The following CPEB3 variants were observed in gnomAD, a reference collection of about 807,000 sequenced individuals.
CPEB3 encodes the protein cytoplasmic polyadenylation element binding protein 3.
CPEB3 carries 20 observed loss-of-function variants against 67.2 expected under a neutral mutation model. The observed-to-expected ratio is 0.30, with a 90% CI of 0.21 to 0.43. The LOEUF is 0.43. Ranked by LOEUF, CPEB3 falls within the 20% of genes least tolerant of loss-of-function variation. The pLI is 1.00. For synonymous variants in CPEB3, 376 were observed against 393.1 expected (o/e 0.96, Z 0.51); for missense variants, 746 against 968.6 (o/e 0.77, Z 3.05).
At chr10:92,212,210 C>CTT (rs998565592) in intron 2 of CPEB3, among the ~76,000 whole-genome samples, 16 of 119,992 alleles carry the variant, frequency 1.3e-4, no homozygotes, top group Non-Finnish European at 1.8e-4. Context: ...ACAATAAATT[C>CTT]TTTTTTTTTT....
intron 1 of CPEB3, among the ~76,000 whole-genome samples, chr10:92,240,958 G>C (rs1851822349): frequency 6.6e-6 from 1 of 152,168 alleles, no homozygotes; most frequent in Non-Finnish European, 1.5e-5. Flanking sequence ...AACCACGAGG[G>C]AGGAATCCTT....
intron 2 of CPEB3, among the ~76,000 whole-genome samples, chr10:92,232,721 G>T (rs1851330540): frequency 6.7e-6 from 1 of 149,514 alleles, no homozygotes; most frequent in African/African-American, 2.5e-5. Flanking sequence ...CCGTGCCACT[G>T]CATTCCAGCC....
rs1317671404 is a variant in CPEB3 at position 92,111,184 on chromosome 10, A to G, written c.1464T>C (p.Phe488=). ...CTGAGCTTTCCTCTTGGAACAGCAG[A>G]AAGGCATAGCCTTGGGGAGAGCAAA... The part of the protein sequence containing the change: ...KSYFPPKGYA[F]LLFQEESSVQ... The change falls in exon 7 of 10, where the codon TTT becomes TTC. Residue 488 remains phenylalanine (F), a synonymous_variant. Coordinates refer to ENST00000265997, the MANE Select transcript of CPEB3 (RefSeq NM_014912.5). The G allele has an allele frequency of 6.2e-7, 1 of 1,611,746 alleles. No individual in the cohort carries two copies. Among genetic ancestry groups the G allele is most frequent in the Non-Finnish European group, 8.5e-7 (1 of 1,177,950 alleles).
chr10:92,110,991 C>A, intron 7 of CPEB3, 85 bp downstream of exon 7: 2 of 985,960 alleles, frequency 2.0e-6, no homozygotes. Flanking sequence ...TAGTTACCAG[C>A]ATTTCCATTA....
chr10:92,061,438 A>C (rs2995547), intron 9 of CPEB3, among the ~76,000 whole-genome samples: 93,191 of 139,494 alleles, frequency 0.67, 31,599 homozygotes, highest in East Asian at 0.76. Flanking sequence ...AAAAAAAAAA[A>C]AAAAACATAT....
At chr10:92,076,446 C>T (rs1842937293) in intron 9 of CPEB3, 1 of 151,926 alleles carries the variant, frequency 6.6e-6, no homozygotes, top group South Asian at 2.1e-4. Context: ...GTTCTGTTGC[C>T]CAGGCTGGAG....
chr10:92,272,462 A>C (rs1853349057), intron 1 of CPEB3, among the ~76,000 whole-genome samples: 7 of 152,166 alleles, frequency 4.6e-5, no homozygotes. Flanking sequence ...CTCTCATTAG[A>C]TAGAGTTAGA....
intron 1 of CPEB3, among the ~76,000 whole-genome samples, chr10:92,275,267 G>T (rs892428789): frequency 2.6e-5 from 4 of 152,154 alleles, no homozygotes; most frequent in African/African-American, 4.8e-5. Flanking sequence ...TCAGACGCCT[G>T]TAACATCCCT....
At chr10:92,194,376 T>C (rs1849131544) in intron 2 of CPEB3, among the ~76,000 whole-genome samples, 1 of 151,704 alleles carries the variant, frequency 6.6e-6, no homozygotes, top group Non-Finnish European at 1.5e-5. Flanking sequence ...GAGGCAGAGG[T>C]TGCCGTGAGC....
intron 2 of CPEB3, among the ~76,000 whole-genome samples, chr10:92,221,350 G>A (rs1246945379): frequency 6.6e-6 from 1 of 151,976 alleles, no homozygotes; most frequent in Non-Finnish European, 1.5e-5. Context: ...AAAAATAGCT[G>A]GGCATGGTGG....
intron 8 of CPEB3, among the ~76,000 whole-genome samples, chr10:92,086,557 A>G (rs551969235): frequency 1.7e-4 from 26 of 152,290 alleles, no homozygotes; most frequent in African/African-American, 6.3e-4. Context: ...ACTCTGCTTC[A>G]TCATCTCGAA....
At chr10:92,125,320 C>G (rs957565311) in intron 6 of CPEB3, among the ~76,000 whole-genome samples, 2 of 152,224 alleles carry the variant, frequency 1.3e-5, no homozygotes, top group Non-Finnish European at 2.9e-5. Context: ...CCACTGCCAG[C>G]ATCATTGGCT....
rs1851276490 is a variant in CPEB3 at position 92,231,724 on chromosome 10, TTTC to T, written c.1005+7619_1005+7621del. On this transcript the variant is annotated intron_variant, in intron 2 of 9. Transcript: ENST00000265997. ...ACAGCTTAATCAACTTTTCTTTTCTTTTCTTTTCTTTTTAAGACAGAGTCTTGC... is the reference window on the plus strand; with the variant it reads ...ACAGCTTAATCAACTTTTCTTTTCTTTTTTCTTTTTAAGACAGAGTCTTGC... Among the ~76,000 whole-genome samples, 2 of 152,110 alleles carry T rather than the reference TTTC, an allele frequency of 1.3e-5. 1 individual carries two copies. Among genetic ancestry groups the T allele is most frequent in the South Asian group, 4.1e-4 (2 of 4,830 alleles).
In CPEB3 at chr10:92,244,282, G is replaced by A. The variant is rs530475003; in HGVS notation, c.-11-3921C>T. ...GAATCGCTTGAACCTGGGAGGTAGA[G>A]GTTGCAGTGAGCTGAGATTAGGCCA... On this transcript the variant is annotated intron_variant, in intron 1 of 9. Coordinates refer to ENST00000265997, the MANE Select transcript of CPEB3 (RefSeq NM_014912.5). 2.8e-4 allele frequency among the ~76,000 whole-genome samples: 42 copies of A among 151,696 alleles called. 1 individual carries two copies. The South Asian group carries it at 7.9e-3, about 29-fold the overall frequency.
chr10:92,276,896 T>C (rs907899433), intron 1 of CPEB3, among the ~76,000 whole-genome samples: 2 of 152,222 alleles, frequency 1.3e-5, no homozygotes, highest in African/African-American at 4.8e-5. Context: ...GAGAGTGAAG[T>C]GGTATCTCAT....
rs1014169215 is a variant in CPEB3 at position 92,090,035 on chromosome 10, T to C, written c.1687+1795A>G. ...GGATTTACAGAAGAAAAATGATACA[T>C]AGGCCCTTACCTATCCTTCCAAATC... On this transcript the variant is annotated intron_variant, in intron 8 of 9. Transcript: ENST00000265997. 5.3e-5 allele frequency among the ~76,000 whole-genome samples: 8 copies of C among 152,278 alleles called. No individual in the cohort carries two copies. The East Asian group carries it at 7.7e-4, about 15-fold the overall frequency.
At chr10:92,117,619 C>T (rs535591991) in intron 6 of CPEB3, among the ~76,000 whole-genome samples, 3 of 152,116 alleles carry the variant, frequency 2.0e-5, no homozygotes, top group Admixed American at 6.5e-5. Flanking sequence ...TGTGAGCCAC[C>T]GTGCCCAGTA....
At chr10:92,069,659 C>T (rs1842680791) in intron 9 of CPEB3, among the ~76,000 whole-genome samples, 1 of 152,190 alleles carries the variant, frequency 6.6e-6, no homozygotes, top group Non-Finnish European at 1.5e-5. Context: ...CCCGCCTTGG[C>T]CTCCCAAAGT....
intron 2 of CPEB3, among the ~76,000 whole-genome samples, chr10:92,220,890 A>C (rs1038657994): frequency 1.3e-5 from 2 of 152,200 alleles, no homozygotes; most frequent in Non-Finnish European, 2.9e-5. Flanking sequence ...CATAATCTAC[A>C]AGTCTAGCAT....
Sources: gnomAD v4.1 joint callset for allele counts (sites outside exome capture counted in the v4.1 genomes callset) on GRCh38, gnomAD v4.1.1 for gene constraint, MANE v1.5 for transcripts, NCBI Gene and HGNC (gene_info 2026-07-23, HGNC 2026-07-21) for gene names.